NELL2: variants seen among roughly 807,000 people sequenced by gnomAD.
NELL2 encodes the protein neural EGFL like 2.
In NELL2, 41 loss-of-function variants were observed where a neutral mutation model predicts 109.6. That is an observed-to-expected ratio of 0.37 (90% CI 0.29 to 0.49). The LOEUF is 0.49. Ranked by LOEUF, NELL2 falls within the 20% of genes least tolerant of loss-of-function variation. The pLI is 0.98. For synonymous variants in NELL2, 355 were observed against 344.7 expected, an observed-to-expected ratio of 1.03 and a Z score of -0.33; for missense variants, 900 against 1,008.3, an observed-to-expected ratio of 0.89 and a Z score of 1.45.
intron 3 of NELL2, among the ~76,000 whole-genome samples, chr12:44,815,331 T>C (rs1039412435): frequency 6.6e-6 from 1 of 152,196 alleles, no homozygotes; most frequent in Non-Finnish European, 1.5e-5. Flanking sequence ...AAGTTGTCTG[T>C]CAATGATTAC....
intron 2 of NELL2, among the ~76,000 whole-genome samples, chr12:44,840,751 A>G (rs866091294): frequency 2.6e-5 from 4 of 152,366 alleles, no homozygotes; most frequent in South Asian, 4.1e-4. Flanking sequence ...TTTTGGCTAT[A>G]TATCTATAGC....
intron 12 of NELL2, among the ~76,000 whole-genome samples, chr12:44,672,493 C>A (rs1047813247): frequency 1.3e-5 from 2 of 152,192 alleles, no homozygotes; most frequent in Non-Finnish European, 1.5e-5. Context: ...TTGTGTTCCA[C>A]AAAACCAGTC....
intron 9 of NELL2, among the ~76,000 whole-genome samples, chr12:44,715,361 T>G (rs967950602): frequency 6.6e-6 from 1 of 150,690 alleles, no homozygotes; most frequent in Non-Finnish European, 1.5e-5. Context: ...TTAGATTCCA[T>G]GGGAAAAATA....
chr12:44,892,698 T>G (rs1266542948), intron 1 of NELL2, among the ~76,000 whole-genome samples: 2 of 146,534 alleles, frequency 1.4e-5, no homozygotes, highest in Non-Finnish European at 3.0e-5. Context: ...CTCGGGAGGC[T>G]GAGGCAGGAG....
At chr12:44,858,972 A>G (rs1442738250) in intron 2 of NELL2, among the ~76,000 whole-genome samples, 1 of 152,228 alleles carries the variant, frequency 6.6e-6, no homozygotes, top group Non-Finnish European at 1.5e-5. Context: ...AAAACACTCA[A>G]TACTTGATTT....
At chr12:44,557,877 G>C (rs542068976) in intron 15 of NELL2, among the ~76,000 whole-genome samples, 1 of 152,256 alleles carries the variant, frequency 6.6e-6, no homozygotes, top group East Asian at 1.9e-4. Flanking sequence ...AGCAGTAAAA[G>C]TAGAAAAAGG....
At chr12:44,545,878 T>C (rs569418233) in intron 15 of NELL2, among the ~76,000 whole-genome samples, 1 of 152,252 alleles carries the variant, frequency 6.6e-6, no homozygotes, top group African/African-American at 2.4e-5. Flanking sequence ...CCAGAGCCAT[T>C]TTCTAATAGC....
At chr12:44,919,319 TTATTAA>T (rs1422878030) in intron 1 of NELL2, among the ~76,000 whole-genome samples, 1 of 151,838 alleles carries the variant, frequency 6.6e-6, no homozygotes, top group Non-Finnish European at 1.5e-5. Flanking sequence ...AAATGATAAA[TTATTAA>T]TATTAATATA....
chr12:44,735,874 T>A (rs1186641742), intron 9 of NELL2, among the ~76,000 whole-genome samples: 2 of 152,112 alleles, frequency 1.3e-5, no homozygotes, highest in Admixed American at 1.3e-4. Context: ...CCATTCTTAA[T>A]TTTCATCTTT....
intron 9 of NELL2, among the ~76,000 whole-genome samples, chr12:44,759,981 GAC>G (rs1035232691): frequency 2.0e-5 from 3 of 152,174 alleles, no homozygotes; most frequent in Admixed American, 1.3e-4. Context: ...AGTTACTGGG[GAC>G]TTTGGAACCT....
At chr12:44,600,453 T>C (rs1432521847) in intron 15 of NELL2, among the ~76,000 whole-genome samples, 2 of 152,128 alleles carry the variant, frequency 1.3e-5, no homozygotes, top group African/African-American at 4.8e-5. Flanking sequence ...TCAGTATAAA[T>C]AAAATGTTGC....
chr12:44,711,974 T>C (rs1052433190), intron 10 of NELL2, among the ~76,000 whole-genome samples: 5 of 152,096 alleles, frequency 3.3e-5, no homozygotes, highest in African/African-American at 1.2e-4. Context: ...AATAAATGAA[T>C]AAATCAATGT....
intron 2 of NELL2, among the ~76,000 whole-genome samples, chr12:44,818,133 A>G (rs971788455): frequency 6.6e-6 from 1 of 152,236 alleles, no homozygotes; most frequent in African/African-American, 2.4e-5. Context: ...TCTATTACAG[A>G]TAAGACAGGC....
At chr12:44,690,540 T>A (rs745662069) in intron 12 of NELL2, among the ~76,000 whole-genome samples, 31 of 149,702 alleles carry the variant, frequency 2.1e-4, no homozygotes, top group Non-Finnish European at 3.7e-4. Flanking sequence ...ACTGAGGTCT[T>A]GAAAAAAAAA....
intron 12 of NELL2, among the ~76,000 whole-genome samples, chr12:44,685,251 G>A (rs1274443848): frequency 2.6e-5 from 4 of 151,388 alleles, no homozygotes; most frequent in Non-Finnish European, 4.4e-5. Context: ...GCCTTTTTTT[G>A]TTTTCCATTT....
At chr12:44,642,873 T>C (rs1946913670) in intron 13 of NELL2, among the ~76,000 whole-genome samples, 1 of 151,868 alleles carries the variant, frequency 6.6e-6, no homozygotes, top group African/African-American at 2.4e-5. Flanking sequence ...CAGAGCAAGA[T>C]CCCTCTCAAA....
chr12:44,775,885 A>G, intron 8 of NELL2, 137 bp downstream of exon 8: 1 of 871,802 alleles, frequency 1.1e-6, no homozygotes, highest in Non-Finnish European at 1.7e-6. Context: ...TTTAGATATG[A>G]CCAGGTTTGT....
At chr12:44,618,649 A>G (rs1220588293) in intron 13 of NELL2, among the ~76,000 whole-genome samples, 5 of 152,178 alleles carry the variant, frequency 3.3e-5, no homozygotes, top group African/African-American at 1.2e-4. Flanking sequence ...TGCTCTGGAG[A>G]GTGCAAAGAT....
rs907924940 is a variant in NELL2 at position 44,520,164 on chromosome 12, T to C, written c.2241A>G (p.Pro747=). The C allele has an allele frequency of 1.2e-6, 2 of 1,613,776 alleles. No homozygotes were observed. The highest frequency in any genetic ancestry group is 1.7e-6 in the Non-Finnish European group (2 of 1,179,956). ...PDVECEFSIL[P]ENECCPRCVT... ...CACAGCGCGGGCAGCACTCATTCTC[T>C]GGGAGAATGCTGAATTCACACTCCA... Residue 747 remains proline, a synonymous_variant, in exon 19 of 20, where the codon CCA becomes CCG. Coordinates refer to ENST00000429094, the MANE Select transcript of NELL2 (RefSeq NM_001145108.2).
Sources: allele counts gnomAD v4.1 joint callset (sites outside exome capture counted in the v4.1 genomes callset), GRCh38; gene constraint gnomAD v4.1.1; transcripts MANE v1.5; gene names NCBI Gene and HGNC (gene_info 2026-07-23, HGNC 2026-07-21).